USP5: variants seen among roughly 807,000 people sequenced by gnomAD.
USP5 encodes ubiquitin carboxyl-terminal hydrolase 5.
A neutral mutation model predicts 102.5 loss-of-function variants in USP5; 24 were observed. That is an observed-to-expected ratio of 0.23 (90% CI 0.17 to 0.33). The LOEUF is 0.33. USP5 is among the 10% of genes least tolerant of loss of function. The pLI is 1.00. For synonymous variants in USP5, 460 were observed against 434.8 expected (o/e 1.06, Z -0.72); for missense variants, 753 against 1,122.1 (o/e 0.67, Z 4.70).
chr12:6,864,449 G>A lies in USP5; in HGVS notation c.2244+254G>A, dbSNP rs1394166820. Among the ~76,000 whole-genome samples, 1 of 152,220 alleles carries A rather than the reference G, an allele frequency of 6.6e-6. No homozygotes were observed. The highest frequency in any genetic ancestry group is 1.9e-4 in the East Asian group (1 of 5,194). On this transcript the variant is annotated intron_variant, in intron 17 of 19. Coordinates refer to ENST00000229268, the MANE Select transcript of USP5 (RefSeq NM_001098536.2). The surrounding 1 kb of genome is among the most constrained non-coding windows in gnomAD (Gnocchi z 4.8). The stretch of plus-strand genomic sequence containing the variant: ...TCACGCCTGTAATCCCAGCACTTTG[G>A]GAGGGTGAGGTGGGCGGATCACGCG...
In USP5 at chr12:6,857,849, G is replaced by C. The variant is rs202095894; in HGVS notation, c.864+126G>C. On this transcript the variant is annotated intron_variant, in intron 7 of 19. Coordinates refer to ENST00000229268, the MANE Select transcript of USP5 (RefSeq NM_001098536.2). ...TTAACCCCATCCCCAAGATACACAG[G>C]CTTCTTTTAAATATCTAAAATCATT... The C allele has an allele frequency of 2.4e-5, 20 of 832,924 alleles. No homozygotes were observed. In the East Asian group the frequency reaches 5.0e-4, roughly 21 times the overall value. 51.6% of individuals were successfully genotyped at this position (832,924 alleles called of 1,614,324 possible). A position where few individuals can be genotyped will look rare whatever the true frequency, so the allele number is the denominator to read the frequency against.
intron 1 of USP5, 149 bp downstream of exon 1, chr12:6,852,439 C>A: frequency 2.3e-6 from 2 of 852,382 alleles, no homozygotes; most frequent in Non-Finnish European, 1.8e-6. Flanking sequence ...CGTTGCCTTT[C>A]ATTAACTGCG....
chr12:6,862,648 C>T, intron 14 of USP5, 90 bp downstream of exon 14: 5 of 1,244,678 alleles, frequency 4.0e-6, no homozygotes, highest in Non-Finnish European at 5.7e-6. Flanking sequence ...CTCAAAGTTT[C>T]CTCTGAAAGA....
Position 6,855,989 on chromosome 12 carries a change from C to T in USP5, c.305-28C>T. The T allele has an allele frequency of 6.2e-7, 1 of 1,613,782 alleles. No homozygotes were observed. Among genetic ancestry groups the T allele is most frequent in the South Asian group, 1.1e-5 (1 of 91,052 alleles). ...ACATTGACCTGTTGTCATTGCTCTA[C>T]TCTCCCTCTTCTTCCCTATCCTTCC... is the stretch of plus-strand genomic sequence containing the variant. On this transcript the variant is annotated intron_variant, in intron 3 of 19. Coordinates refer to ENST00000229268, the MANE Select transcript of USP5 (RefSeq NM_001098536.2). This position sits in a 1 kb window ranked among gnomAD's most constrained non-coding sequence, Gnocchi z 4.6.
rs781812005 is a variant in USP5 at position 6,856,044 on chromosome 12, A to T, written c.332A>T (p.Glu111Val). ...GTTGAAGGCGGATTTGACCTTAGCG[A>T]GGAGAAGTTTGAATTAGACGAGGAT... The part of the protein sequence containing the change: ...IGVEGGFDLS[E>V]EKFELDEDVK... Residue 111 changes from glutamate (E) to valine (V), a missense_variant, in exon 4 of 20, where the codon GAG becomes GTG. Physicochemically the swap from Glu to Val is moderately radical, Grantham distance 121. This residue lies in a region of USP5 where 527 missense variants were observed against 816.5 expected (regional missense o/e 0.65). Coordinates refer to ENST00000229268, the MANE Select transcript of USP5 (RefSeq NM_001098536.2). This position sits in a 1 kb window ranked among gnomAD's most constrained non-coding sequence, Gnocchi z 5.6. 18 of 1,613,944 alleles carry T rather than the reference A, an allele frequency of 1.1e-5. No individual in the cohort carries two copies. Among genetic ancestry groups the T allele is most frequent in the Non-Finnish European group, 1.4e-5 (17 of 1,180,010 alleles).
At position 6,857,614 on chromosome 12, in the gene USP5, T is replaced by C; in HGVS notation, c.770-15T>C. 6.2e-7 allele frequency: 1 copy of C among 1,611,328 alleles called. No individual in the cohort carries two copies. Among genetic ancestry groups the C allele is most frequent in the Non-Finnish European group, 8.5e-7 (1 of 1,178,490 alleles). ...GAGCCACTTCCCCTGATTCTCTTCC[T>C]GCCTCCTGCTCTAGACGTGTACTCA... On this transcript the variant is annotated splice_polypyrimidine_tract_variant and intron_variant, in intron 6 of 19. Coordinates refer to ENST00000229268, the MANE Select transcript of USP5 (RefSeq NM_001098536.2).
At chr12:6,865,072 G>A in intron 18 of USP5, 92 bp from the exon 19 acceptor site, 1 of 1,351,842 alleles carries the variant, frequency 7.4e-7, no homozygotes, top group Non-Finnish European at 1.0e-6. Context: ...TGAAACTCCT[G>A]TCCTGAGTCT....
Position 6,863,358 on chromosome 12 carries a change from T to C in USP5, c.1935T>C (p.Pro645=), listed in dbSNP as rs1312001941. The C allele has an allele frequency of 6.2e-7, 1 of 1,613,856 alleles. No homozygotes were observed. Among genetic ancestry groups the C allele is most frequent in the African/African-American group, 1.3e-5 (1 of 74,940 alleles). ...GNEDEDSFCS[P]HFSSPTSPML... Reference sequence around the variant, plus strand: ...AAGACGAAGACTCCTTCTGCTCCCCTCACTTCTCCTCTCCGACATGTTAGT... The same window carrying C: ...AAGACGAAGACTCCTTCTGCTCCCCCCACTTCTCCTCTCCGACATGTTAGT... Residue 645 remains proline (P), a synonymous_variant, in exon 15 of 20, where the codon CCT becomes CCC. Coordinates refer to ENST00000229268, the MANE Select transcript of USP5 (RefSeq NM_001098536.2). This position sits in a 1 kb window ranked among gnomAD's most constrained non-coding sequence, Gnocchi z 4.7.
Position 6,856,382 on chromosome 12 carries a change from A to C in USP5, c.516A>C (p.Glu172Asp), listed in dbSNP as rs782471816. The C allele has an allele frequency of 6.8e-6, 11 of 1,613,888 alleles. No individual in the cohort carries two copies. The East Asian group carries it at 2.5e-4, about 36-fold the overall frequency. Reference sequence around the variant, plus strand: ...AGGAGGTGCAGGCATGGGATGGGGAAGTACGGCAGGTGTCTAAGCATGCCT... The same window carrying C: ...AGGAGGTGCAGGCATGGGATGGGGACGTACGGCAGGTGTCTAAGCATGCCT... ...RKQEVQAWDG[E>D]VRQVSKHAFS... is the part of the protein sequence containing the mutation. Residue 172 changes from glutamate to aspartate, a missense_variant, in exon 5 of 20, where the codon GAA (glutamate) becomes GAC (aspartate). Physicochemically the swap from Glu to Asp is conservative, Grantham distance 45. This residue lies in a region of USP5 where 527 missense variants were observed against 816.5 expected (regional missense o/e 0.65). Coordinates refer to ENST00000229268, the MANE Select transcript of USP5 (RefSeq NM_001098536.2). This position sits in a 1 kb window ranked among gnomAD's most constrained non-coding sequence, Gnocchi z 5.6.
In USP5 at chr12:6,852,184, C is replaced by T; in HGVS notation, c.5C>T (p.Ala2Val). 1 of 1,610,770 alleles carries T rather than the reference C, an allele frequency of 6.2e-7. No individual in the cohort carries two copies. Among genetic ancestry groups the T allele is most frequent in the Non-Finnish European group, 8.5e-7 (1 of 1,178,838 alleles). The stretch of plus-strand genomic sequence containing the variant: ...GGAGAAGCTGCTGCCGGTGTCATGG[C>T]GGAGCTGAGTGAGGAGGCGCTGCTG... M[A>V]ELSEEALLSV... Residue 2 changes from alanine to valine, a missense_variant, in exon 1 of 20, where the codon GCG becomes GTG. This residue lies in a region of USP5 where 527 missense variants were observed against 816.5 expected (regional missense o/e 0.65). Coordinates refer to ENST00000229268, the MANE Select transcript of USP5 (RefSeq NM_001098536.2).
At position 6,858,678 on chromosome 12, in the gene USP5, C is replaced by T; in HGVS notation, c.1058+61C>T. On this transcript the variant is annotated intron_variant, in intron 8 of 19. Transcript: ENST00000229268. The surrounding 1 kb of genome is among the most constrained non-coding windows in gnomAD (Gnocchi z 4.2). ...TGGTCAGCACCCTCTGGGCATACTC[C>T]TCCTTCAGCTTCCCTCAGCACCTCT... 2 of 1,456,372 alleles carry T rather than the reference C, an allele frequency of 1.4e-6. No homozygotes were observed. Among genetic ancestry groups the T allele is most frequent in the South Asian group, 1.2e-5 (1 of 81,498 alleles). 90.2% of individuals were successfully genotyped at this position (1,456,372 alleles called of 1,614,324 possible).
chr12:6,855,522 G>A lies in USP5; in HGVS notation c.233G>A (p.Arg78His), dbSNP rs782411696. ...TACTTGCACCTCCGGCGGACCCGGCGCCCGGTAGGAGCAGGGCTGGGGCAA... is the reference window on the plus strand; with the variant it reads ...TACTTGCACCTCCGGCGGACCCGGCACCCGGTAGGAGCAGGGCTGGGGCAA... ...RVYLHLRRTR[R>H]PKEEDPATGT... The change falls in exon 2 of 20, where the codon CGC (arginine) becomes CAC (histidine). Residue 78 changes from arginine to histidine, a missense_variant. Transcript: ENST00000229268. This position sits in a 1 kb window ranked among gnomAD's most constrained non-coding sequence, Gnocchi z 4.6. 8.1e-6 allele frequency: 13 copies of A among 1,613,944 alleles called. No individual in the cohort carries two copies. Among genetic ancestry groups the A allele is most frequent in the Admixed American group, 3.3e-5 (2 of 60,006 alleles).
At position 6,855,242 on chromosome 12, in the gene USP5, G is replaced by A. The variant is rs1944073426; in HGVS notation, c.112-159G>A. Among the ~76,000 whole-genome samples, 1 of 152,188 alleles carries A rather than the reference G, an allele frequency of 6.6e-6. No homozygotes were observed. The highest frequency in any genetic ancestry group is 1.5e-5 in the Non-Finnish European group (1 of 68,040). ...TGGGGAGAATCTTAGCTATGTCCCA[G>A]GTCCTAAAAGGCTAAATAACTTGCC... On this transcript the variant is annotated intron_variant, in intron 1 of 19. Transcript: ENST00000229268. The surrounding 1 kb of genome is among the most constrained non-coding windows in gnomAD (Gnocchi z 4.6).
In USP5 at chr12:6,861,059, A is replaced by G; in HGVS notation, c.1451A>G (p.Asp484Gly). The G allele has an allele frequency of 6.2e-7, 1 of 1,614,190 alleles. No homozygotes were observed. Among genetic ancestry groups the G allele is most frequent in the Non-Finnish European group, 8.5e-7 (1 of 1,180,016 alleles). Residue 484 changes from aspartate to glycine, a missense_variant, in exon 12 of 20, where the codon GAC becomes GGC. Physicochemically the swap from Asp to Gly is moderately conservative, Grantham distance 94. Around this residue, in one of 3 missense-constraint regions of USP5, gnomAD observed 527 missense variants for 816.5 expected, o/e 0.65. Transcript: ENST00000229268. This position sits in a 1 kb window ranked among gnomAD's most constrained non-coding sequence, Gnocchi z 4.9. ...TEKVKYTQRV[D>G]YIMQLPVPMD... ...AAGGTGAAGTACACCCAGCGAGTTG[A>G]CTACATCATGCAGCTGCCTGTGCCC...
Position 6,856,307 on chromosome 12 carries a change from G to A in USP5, c.441G>A (p.Val147=), listed in dbSNP as rs782578478. 2.3e-5 allele frequency: 37 copies of A among 1,612,476 alleles called. No homozygotes were observed. The African/African-American group carries it at 4.7e-4, about 20-fold the overall frequency. The change falls in exon 5 of 20, where the codon GTG becomes GTA. Residue 147 remains valine, a splice_region_variant and synonymous_variant. Transcript: ENST00000229268. This position sits in a 1 kb window ranked among gnomAD's most constrained non-coding sequence, Gnocchi z 5.6. ...GGLPDIVRDR[V]TSAVEALLSA... ...CTCTGACCCTCTGCTTCCCCCAGGTGACCAGTGCAGTGGAGGCCCTACTGT... is the reference window on the plus strand; with the variant it reads ...CTCTGACCCTCTGCTTCCCCCAGGTAACCAGTGCAGTGGAGGCCCTACTGT...
At chr12:6,859,610 C>G in intron 9 of USP5, 69 bp downstream of exon 9, 4 of 1,457,498 alleles carry the variant, frequency 2.7e-6, no homozygotes, top group South Asian at 1.1e-5. Context: ...CCTCCCTGAC[C>G]GCCTGGGGGG....
At position 6,861,326 on chromosome 12, in the gene USP5, AG is replaced by A. The variant is rs1451589618; in HGVS notation, c.1499-113del. ...AGGCGAGATATATTGGACATGTGTCAGGGGTGCTTTGGAAGGGTAGAGGAAC... is the reference window on the plus strand; with the variant it reads ...AGGCGAGATATATTGGACATGTGTCAGGGTGCTTTGGAAGGGTAGAGGAAC... On this transcript the variant is annotated intron_variant, in intron 12 of 19. Transcript: ENST00000229268. This position sits in a 1 kb window ranked among gnomAD's most constrained non-coding sequence, Gnocchi z 4.9. 15 of 1,338,220 alleles carry A rather than the reference AG, an allele frequency of 1.1e-5. No homozygotes were observed. The highest frequency in any genetic ancestry group is 1.4e-5 in the Non-Finnish European group (14 of 980,204). The allele number at this position is 1,338,220 out of a possible 1,614,324, so 82.9% of individuals were successfully genotyped here.
intron 7 of USP5, 151 bp downstream of exon 7, chr12:6,857,874 T>G: frequency 1.4e-6 from 1 of 702,426 alleles, no homozygotes; most frequent in Non-Finnish European, 2.4e-6. Flanking sequence ...CTAAAATCAT[T>G]TATTCAGTGA....
At position 6,859,556 on chromosome 12, in the gene USP5, C is replaced by T; in HGVS notation, c.1130+15C>T. On this transcript the variant is annotated intron_variant, in intron 9 of 19. Coordinates refer to ENST00000229268, the MANE Select transcript of USP5 (RefSeq NM_001098536.2). ...AGCACCCAGGTGTATGTAACCAGGT[C>T]CTATGTAGGAAAGCTGTTGACAGTC... 6.2e-7 allele frequency: 1 copy of T among 1,613,728 alleles called. No individual in the cohort carries two copies. Among genetic ancestry groups the T allele is most frequent in the Non-Finnish European group, 8.5e-7 (1 of 1,179,632 alleles).
Sources: gnomAD v4.1 joint callset for allele counts (sites outside exome capture counted in the v4.1 genomes callset) on GRCh38, gnomAD v4.1.1 for gene constraint, gnomAD v4.1.1 regional missense constraint, Gnocchi (gnomAD v3.1) non-coding constraint, MANE v1.5 for transcripts, NCBI Gene and HGNC (gene_info 2026-07-23, HGNC 2026-07-21) for gene names.